Variants in VWF observed in about 807,000 individuals in gnomAD.
VWF encodes the protein von Willebrand factor, also known as Factor VIII related antigen.
A neutral mutation model predicts 308.6 loss-of-function variants in VWF; 176 were observed. The ratio of observed to expected loss-of-function variants is 0.57; its 90% CI spans 0.50 to 0.65. The LOEUF (loss-of-function observed/expected upper bound fraction) is 0.65, where lower values mean the gene tolerates loss of function less well. Ranked by LOEUF, VWF falls within the 30% of genes least tolerant of loss-of-function variation. VWF has a pLI of 0.00. For missense variants in VWF, 3,146 were observed against 3,648.2 expected, an observed-to-expected ratio of 0.86 and a Z score of 3.55; for synonymous variants, 1,385 against 1,443.4, an observed-to-expected ratio of 0.96 and a Z score of 0.92.
At chr12:6,092,632 T>TGAGAGTGAGAGAGAGAGAGAGA (rs1430723950) in intron 6 of VWF, among the ~76,000 whole-genome samples, 1 of 66,014 alleles carries the variant, frequency 1.5e-5, no homozygotes, top group Admixed American at 1.2e-4. Context: ...TGTGTGTGTG[T>TGAGAGTGAGAGAGAGAGAGAGA]GTGTGTGTGT....
intron 27 of VWF, among the ~76,000 whole-genome samples, 181 bp downstream of exon 27, chr12:6,021,719 C>T (rs970481200): frequency 2.6e-5 from 4 of 151,982 alleles, no homozygotes; most frequent in Admixed American, 2.6e-4. Context: ...AGAAGCAAAC[C>T]CTAGGAACAA....
rs955539592 is a variant in VWF, at chr12:6,118,349, G to A, written c.220+2825C>T. Among the ~76,000 whole-genome samples, 43 of 139,970 alleles carry A rather than the reference G, an allele frequency of 3.1e-4. 2 individuals are homozygous for A. Among genetic ancestry groups the A allele is most frequent in the African/African-American group, 8.2e-4 (31 of 37,616 alleles). 91.8% of individuals were successfully genotyped at this position (139,970 alleles called of 152,430 possible). ...CCGCCCCCACCCCGGGCACTGCAGT[G>A]TCTCCATCAAAATCTTCCTCTGGTC... On this transcript the variant is annotated intron_variant, in intron 3 of 51. Transcript: ENST00000261405.
rs1217214833 is a variant in VWF, at chr12:5,981,771, C to T, written c.7287+15G>A. ...TAAACTATTAACTGATAGTTAATAGCCAAGCAGTCCTTACCTTGTCGGGAA... is the reference window on the plus strand; with the variant it reads ...TAAACTATTAACTGATAGTTAATAGTCAAGCAGTCCTTACCTTGTCGGGAA... On this transcript the variant is annotated intron_variant, in intron 42 of 51. Coordinates refer to ENST00000261405, the MANE Select transcript of VWF (RefSeq NM_000552.5). 1 of 1,613,072 alleles carries T rather than the reference C, an allele frequency of 6.2e-7. No individual in the cohort carries two copies. Among genetic ancestry groups the T allele is most frequent in the Non-Finnish European group, 8.5e-7 (1 of 1,179,248 alleles).
chr12:6,023,668 A>C lies in VWF; in HGVS notation c.3342T>G (p.His1114Gln). 6.2e-7 allele frequency: 1 copy of C among 1,613,886 alleles called. No homozygotes were observed. Among genetic ancestry groups the C allele is most frequent in the African/African-American group, 1.3e-5 (1 of 75,068 alleles). Residue 1114 changes from histidine to glutamine, a missense_variant, in exon 25 of 52, where the codon CAT becomes CAG. Transcript: ENST00000261405. The part of the protein sequence containing the change: ...IAAYAHVCAQ[H>Q]GKVVTWRTAT... Reference sequence around the variant, plus strand: ...CCGTCCTCCAGGTCACCACCTTGCCATGCTGGGCACACACGTGGGCATAGG... The same window carrying C: ...CCGTCCTCCAGGTCACCACCTTGCCCTGCTGGGCACACACGTGGGCATAGG...
At position 6,060,156 on chromosome 12, in the gene VWF, T is replaced by C. The variant is rs1350481344; in HGVS notation, c.1534-2112A>G. Among the ~76,000 whole-genome samples the C allele has an allele frequency of 6.6e-6, 1 of 152,038 alleles. No individual in the cohort carries two copies. ...TAGTGTCACTTAGCGACACTCACTA[T>C]TTGAAATAAACCTCTGGTCAGTGAC... On this transcript the variant is annotated intron_variant, in intron 13 of 51. Coordinates refer to ENST00000261405, the MANE Select transcript of VWF (RefSeq NM_000552.5). The surrounding 1 kb of genome is among the most constrained non-coding windows in gnomAD (Gnocchi z 5.1).
At position 5,965,103 on chromosome 12, in the gene VWF, G is replaced by C. The variant is rs965248026; in HGVS notation, c.7887+2383C>G. On this transcript the variant is annotated intron_variant, in intron 47 of 51. Coordinates refer to ENST00000261405, the MANE Select transcript of VWF (RefSeq NM_000552.5). Reference sequence around the variant, plus strand: ...TTCCACATTTCCCCGTTCAAGGGGAGGGCAGAGCTGCCCTTTGGGTTTTCC... The same window carrying C: ...TTCCACATTTCCCCGTTCAAGGGGACGGCAGAGCTGCCCTTTGGGTTTTCC... 2.0e-5 allele frequency among the ~76,000 whole-genome samples: 3 copies of C among 152,196 alleles called. 1 individual carries two copies. The highest frequency in any genetic ancestry group is 4.4e-5 in the Non-Finnish European group (3 of 68,024).
intron 34 of VWF, among the ~76,000 whole-genome samples, chr12:6,000,912 T>C (rs891694134): frequency 6.6e-6 from 1 of 152,112 alleles, no homozygotes; most frequent in African/African-American, 2.4e-5. Flanking sequence ...TGAGCATTTT[T>C]ATTTATATAG....
chr12:6,069,926 C>T (rs1326914913), intron 10 of VWF, among the ~76,000 whole-genome samples: 5 of 152,142 alleles, frequency 3.3e-5, no homozygotes, highest in East Asian at 1.9e-4. Flanking sequence ...GGATGATGGA[C>T]GGAAGATTCA....
chr12:6,014,234 G>C (rs1192887525), intron 31 of VWF, among the ~76,000 whole-genome samples: 1 of 152,120 alleles, frequency 6.6e-6, no homozygotes, highest in African/African-American at 2.4e-5. Flanking sequence ...AAAGGGCATG[G>C]ATCAGGCAAT....
Position 6,066,223 on chromosome 12 carries a change from G to A in VWF, c.1157-950C>T, listed in dbSNP as rs568398329. On this transcript the variant is annotated intron_variant, in intron 10 of 51. Coordinates refer to ENST00000261405, the MANE Select transcript of VWF (RefSeq NM_000552.5). ...ACATCCTGGAAGGTGTCCTGGCAGG[G>A]GGAGGCCTCTGCCAATGTCTCCAGT... Among the ~76,000 whole-genome samples, 3 of 152,280 alleles carry A rather than the reference G, an allele frequency of 2.0e-5. No individual in the cohort carries two copies. The South Asian group carries it at 6.2e-4, about 32-fold the overall frequency.
chr12:6,121,187 G>A lies in VWF; in HGVS notation c.207C>T (p.Ser69=), dbSNP rs764469679. The A allele has an allele frequency of 5.6e-6, 9 of 1,614,218 alleles. No individual in the cohort carries two copies. The highest frequency in any genetic ancestry group is 7.6e-6 in the Non-Finnish European group (9 of 1,180,038). The change falls in exon 3 of 52, where the codon TCC becomes TCT. Residue 69 remains serine, a synonymous_variant. Transcript: ENST00000261405. ...YLLAGGCQKR[S]FSIIGDFQNG... ...CCCAGAACTCACCAATAATCGAGAAGGAGCGTTTCTGGCAGCCCCCTGCCA... is the reference window on the plus strand; with the variant it reads ...CCCAGAACTCACCAATAATCGAGAAAGAGCGTTTCTGGCAGCCCCCTGCCA...
chr12:6,005,340 C>A (rs549086587), intron 34 of VWF, among the ~76,000 whole-genome samples: 1 of 152,124 alleles, frequency 6.6e-6, no homozygotes, highest in African/African-American at 2.4e-5. Flanking sequence ...GATTATTATT[C>A]TTATCTCACA....
At chr12:6,098,211 T>A (rs547682435) in intron 5 of VWF, among the ~76,000 whole-genome samples, 1 of 152,284 alleles carries the variant, frequency 6.6e-6, no homozygotes, top group African/African-American at 2.4e-5. Context: ...CATTGTTGAG[T>A]CTTTAACAAC....
chr12:5,964,241 T>TGC lies in VWF; in HGVS notation c.7887+3244_7887+3245insGC, dbSNP rs1428316504. Among the ~76,000 whole-genome samples, 9 of 145,662 alleles carry TGC rather than the reference T, an allele frequency of 6.2e-5. No individual in the cohort carries two copies. In the South Asian group the frequency reaches 6.7e-4, roughly 11 times the overall value. On this transcript the variant is annotated intron_variant, in intron 47 of 51. Coordinates refer to ENST00000261405, the MANE Select transcript of VWF (RefSeq NM_000552.5). ...AAAAATACATACATACATACATACA[T>TGC]ACATACATGCATACATACATACATA...
rs1383300710 is a variant in VWF at position 5,993,348 on chromosome 12, A to C, written c.6598+514T>G. Among the ~76,000 whole-genome samples, 7 of 152,262 alleles carry C rather than the reference A, an allele frequency of 4.6e-5. No individual in the cohort carries two copies. In the South Asian group the frequency reaches 1.0e-3, roughly 23 times the overall value. On this transcript the variant is annotated intron_variant, in intron 37 of 51. Transcript: ENST00000261405. ...TTGGGGAGGGGCTGTCTGCACTAGC[A>C]ATCCTGCAGTGTTTATAACTGAGAA... is the stretch of plus-strand genomic sequence containing the variant.
intron 20 of VWF, among the ~76,000 whole-genome samples, chr12:6,034,394 T>C (rs544162399): frequency 6.6e-6 from 1 of 152,298 alleles, no homozygotes; most frequent in South Asian, 2.1e-4. Context: ...TAATTCCACA[T>C]CTGTGCTAAT....
In VWF at chr12:6,058,145, G is replaced by T; in HGVS notation, c.1534-101C>A. Reference sequence around the variant, plus strand: ...TTTAATAAAAAAAAAAAAGTTCCCCGGGTGAAACATAAATATGAATGTAAT... The same window carrying T: ...TTTAATAAAAAAAAAAAAGTTCCCCTGGTGAAACATAAATATGAATGTAAT... On this transcript the variant is annotated intron_variant, in intron 13 of 51. Coordinates refer to ENST00000261405, the MANE Select transcript of VWF (RefSeq NM_000552.5). This position sits in a 1 kb window ranked among gnomAD's most constrained non-coding sequence, Gnocchi z 4.9. The T allele has an allele frequency of 1.6e-6, 2 of 1,289,422 alleles. No individual in the cohort carries two copies. The highest frequency in any genetic ancestry group is 1.3e-5 in the South Asian group (1 of 75,664). 79.9% of individuals were successfully genotyped at this position (1,289,422 alleles called of 1,614,324 possible).
chr12:6,050,608 T>G (rs539527370), intron 16 of VWF, among the ~76,000 whole-genome samples: 2 of 152,336 alleles, frequency 1.3e-5, no homozygotes, highest in African/African-American at 4.8e-5. Context: ...AGGACTTACC[T>G]TGGGGATTGT....
intron 17 of VWF, 120 bp from the exon 18 acceptor site, chr12:6,044,571 C>T (rs1944428361): frequency 1.5e-6 from 2 of 1,304,220 alleles, no homozygotes; most frequent in Admixed American, 2.0e-5. Flanking sequence ...GTTGCCCACT[C>T]ACGGGGACCA....
Sources: gnomAD v4.1 joint callset for allele counts (sites outside exome capture counted in the v4.1 genomes callset) on GRCh38, gnomAD v4.1.1 for gene constraint, Gnocchi (gnomAD v3.1) non-coding constraint, MANE v1.5 for transcripts, NCBI Gene and HGNC (gene_info 2026-07-23, HGNC 2026-07-21) for gene names.